The following RGL1 variants were observed in gnomAD, a reference collection of about 807,000 sequenced individuals.
RGL1 encodes the protein ral guanine nucleotide dissociation stimulator like 1, also known as ral guanine nucleotide dissociation stimulator-like 1.
Under a neutral mutation model 95.2 loss-of-function variants are expected in RGL1, and 24 were observed. The ratio of observed to expected loss-of-function variants is 0.25; its 90% CI spans 0.18 to 0.35. The LOEUF is 0.35. Among genes scored for constraint, RGL1 ranks in the 10% least tolerant of loss-of-function variants. The probability of loss-of-function intolerance (pLI) is 1.00; values close to 1 mark genes in which losing one functional copy is unlikely to be tolerated. For synonymous variants in RGL1, 329 were observed against 344.9 expected (o/e 0.95, Z 0.51); for missense variants, 715 against 936.3 (o/e 0.76, Z 3.08).
chr1:183,713,539 C>A (rs1452642723), intron 1 of RGL1, among the ~76,000 whole-genome samples: 1 of 151,998 alleles, frequency 6.6e-6, no homozygotes, highest in Non-Finnish European at 1.5e-5. Context: ...GGGAGTGGGG[C>A]CTTTTGGAGG....
chr1:183,651,854 A>G (rs1354344738), intron 1 of RGL1, among the ~76,000 whole-genome samples: 3 of 152,186 alleles, frequency 2.0e-5, no homozygotes, highest in Non-Finnish European at 4.4e-5. Flanking sequence ...ACTCCCGAGC[A>G]TTGTTTCCTC....
intron 1 of RGL1, among the ~76,000 whole-genome samples, chr1:183,679,726 T>A (rs1273980658): frequency 6.6e-6 from 1 of 152,196 alleles, no homozygotes; most frequent in Non-Finnish European, 1.5e-5. Flanking sequence ...TTTGAGTGTA[T>A]ATCCAGTAAT....
At chr1:183,687,864 T>A (rs1653704307) in intron 1 of RGL1, among the ~76,000 whole-genome samples, 1 of 152,188 alleles carries the variant, frequency 6.6e-6, no homozygotes, top group Non-Finnish European at 1.5e-5. Flanking sequence ...CTATATATTT[T>A]AAAAAATCAA....
At chr1:183,668,819 C>T (rs1652224785) in intron 1 of RGL1, among the ~76,000 whole-genome samples, 1 of 151,988 alleles carries the variant, frequency 6.6e-6, no homozygotes, top group South Asian at 2.1e-4. Flanking sequence ...TTTTCCTCTC[C>T]TGGGATTTCC....
intron 2 of RGL1, among the ~76,000 whole-genome samples, chr1:183,814,402 G>A (rs1661942239): frequency 6.6e-6 from 1 of 152,086 alleles, no homozygotes; most frequent in Non-Finnish European, 1.5e-5. Context: ...GGTTGGGGGT[G>A]GGGTGTTGCT....
At chr1:183,911,127 A>G (rs1027558361) in intron 14 of RGL1, among the ~76,000 whole-genome samples, 3 of 151,934 alleles carry the variant, frequency 2.0e-5, no homozygotes, top group Admixed American at 6.6e-5. Context: ...CTCCCGCAAG[A>G]TTTTCTTTTT....
intron 2 of RGL1, among the ~76,000 whole-genome samples, chr1:183,747,038 C>G (rs1227781073): frequency 6.6e-6 from 1 of 152,098 alleles, no homozygotes; most frequent in Non-Finnish European, 1.5e-5. Context: ...GCCACATTTT[C>G]TTTTTCCAGT....
Position 183,810,692 on chromosome 1 carries a change from C to T in RGL1, c.138+4207C>T, listed in dbSNP as rs77082198. ...TGTCACATCTGGATTGAGAAGTTGACTCTCACTTGGATGTTCTATTTAGAT... is the reference window on the plus strand; with the variant it reads ...TGTCACATCTGGATTGAGAAGTTGATTCTCACTTGGATGTTCTATTTAGAT... On this transcript the variant is annotated intron_variant, in intron 2 of 17. Transcript: ENST00000360851. Among the ~76,000 whole-genome samples, 270 of 152,296 alleles carry T rather than the reference C, an allele frequency of 1.8e-3. 7 individuals carry two copies. In the East Asian group the frequency reaches 0.041, roughly 23 times the overall value.
chr1:183,885,777 A>AT (rs1444535600), intron 7 of RGL1, among the ~76,000 whole-genome samples: 1 of 152,224 alleles, frequency 6.6e-6, no homozygotes, highest in Non-Finnish European at 1.5e-5. Flanking sequence ...TACTGGAATT[A>AT]TCTCAGCCTG....
intron 2 of RGL1, among the ~76,000 whole-genome samples, chr1:183,798,209 G>A (rs562907790): frequency 2.4e-4 from 36 of 152,162 alleles, no homozygotes; most frequent in African/African-American, 8.7e-4. Context: ...GCCCTCTCAG[G>A]ACTGCTTTCT....
intron 1 of RGL1, among the ~76,000 whole-genome samples, chr1:183,737,224 G>T (rs1427394897): frequency 1.1e-4 from 17 of 152,160 alleles, no homozygotes. Flanking sequence ...GCAAGTTATT[G>T]TGTTCTTAGA....
intron 9 of RGL1, among the ~76,000 whole-genome samples, chr1:183,894,398 G>T (rs1229559013): frequency 6.6e-6 from 1 of 152,180 alleles, no homozygotes; most frequent in African/African-American, 2.4e-5. Context: ...AAATTCCAAA[G>T]AAATGGAAAA....
chr1:183,858,460 T>C (rs1162522602), intron 3 of RGL1, among the ~76,000 whole-genome samples: 1 of 152,208 alleles, frequency 6.6e-6, no homozygotes, highest in Non-Finnish European at 1.5e-5. Flanking sequence ...GCAGCCATTA[T>C]GAATGAGAGG....
rs1174666 is a variant in RGL1, at chr1:183,658,784, C to T, written c.-33+22283C>T. On this transcript the variant is annotated intron_variant, in intron 1 of 18. Transcript: ENST00000304685. ...AAGTGGGTCCCTGACCCCTGACCCC[C>T]GAGTAGCCTAACTGGGAGGCACCCC... 1.0e-2 allele frequency among the ~76,000 whole-genome samples: 1,521 copies of T among 152,232 alleles called. 24 individuals are homozygous for T. Among genetic ancestry groups the T allele is most frequent in the African/African-American group, 0.035 (1,441 of 41,518 alleles).
chr1:183,893,583 A>G (rs1667538871), intron 9 of RGL1, among the ~76,000 whole-genome samples: 2 of 152,200 alleles, frequency 1.3e-5, no homozygotes, highest in African/African-American at 4.8e-5. Context: ...TCCAGGTGCT[A>G]ACCCTTAGGT....
At position 183,928,323 on chromosome 1, in the gene RGL1, GAC is replaced by G. The variant is rs1163593694; in HGVS notation, c.*2033_*2034del. 6.6e-6 allele frequency: 1 copy of G among 151,882 alleles called. No homozygotes were observed. The highest frequency in any genetic ancestry group is 1.5e-5 in the Non-Finnish European group (1 of 67,952). The allele number at this position is 151,882 out of a possible 1,614,324, so 9.4% of individuals were successfully genotyped here. A position where few individuals can be genotyped will look rare whatever the true frequency, so the allele number is the denominator to read the frequency against. On this transcript the variant is annotated 3_prime_UTR_variant, in exon 18 of 18. Coordinates refer to ENST00000360851, the MANE Select transcript of RGL1 (RefSeq NM_001297671.3). The stretch of plus-strand genomic sequence containing the variant: ...TATATATATATTTACCTTTTTTAAA[GAC>G]AATGGAAATTCCAAGTAGCTAAAAC...
intron 3 of RGL1, 79 bp downstream of exon 3, chr1:183,847,853 G>A: frequency 9.7e-7 from 1 of 1,035,750 alleles, no homozygotes. Flanking sequence ...TGAATCACCT[G>A]CACTTGGTAT....
chr1:183,880,912 C>A, intron 5 of RGL1, 112 bp downstream of exon 5: 1 of 897,068 alleles, frequency 1.1e-6, no homozygotes, highest in Non-Finnish European at 1.7e-6. Context: ...ACCCTCAAAA[C>A]AACATGCTGC....
chr1:183,745,599 G>A (rs754157896), intron 2 of RGL1, among the ~76,000 whole-genome samples: 14 of 151,784 alleles, frequency 9.2e-5, no homozygotes, highest in South Asian at 2.1e-4. Context: ...TATTTTTCAT[G>A]TATCATGTTT....
Sources: gnomAD v4.1 joint callset for allele counts (sites outside exome capture counted in the v4.1 genomes callset) on GRCh38, gnomAD v4.1.1 for gene constraint, MANE v1.5 for transcripts, NCBI Gene and HGNC (gene_info 2026-07-23, HGNC 2026-07-21) for gene names.